The following CLCN3 variants were observed in gnomAD, a reference collection of about 807,000 sequenced individuals.
CLCN3 encodes the protein Cl-/H+ antiporter 3.
A neutral mutation model predicts 83.4 loss-of-function variants in CLCN3; 16 were observed. The observed-to-expected ratio is 0.19, with a 90% CI of 0.13 to 0.29. The LOEUF (loss-of-function observed/expected upper bound fraction) is 0.29. Ranked by LOEUF, CLCN3 falls within the 10% of genes least tolerant of loss-of-function variation. The pLI is 1.00. For synonymous variants in CLCN3, 322 were observed against 346.2 expected, an observed-to-expected ratio of 0.93 and a Z score of 0.78; for missense variants, 544 against 1,006.0, an observed-to-expected ratio of 0.54 and a Z score of 6.21.
chr4:169,717,699 G>C, intron 12 of CLCN3: 1 of 774,000 alleles, frequency 1.3e-6, no homozygotes, highest in Non-Finnish European at 2.1e-6. Context: ...TATGGTTCAT[G>C]TTTTTATTTT....
At chr4:169,703,921 A>G in intron 9 of CLCN3, 77 bp from the exon 10 acceptor site, 1 of 1,374,386 alleles carries the variant, frequency 7.3e-7, no homozygotes, top group South Asian at 1.3e-5. Flanking sequence ...AGTGTTAGAA[A>G]TAAATGCATA....
At chr4:169,657,637 A>G (rs1381342913) in intron 2 of CLCN3, among the ~76,000 whole-genome samples, 1 of 152,156 alleles carries the variant, frequency 6.6e-6, no homozygotes, top group Non-Finnish European at 1.5e-5. Flanking sequence ...GAGACATCCC[A>G]GAGAGGTTGT....
intron 2 of CLCN3, among the ~76,000 whole-genome samples, chr4:169,657,299 T>A (rs28737254): frequency 3.9e-5 from 6 of 152,026 alleles, no homozygotes; most frequent in Non-Finnish European, 8.8e-5. Flanking sequence ...TAAGTCTTTT[T>A]AAAAAAAATT....
intron 5 of CLCN3, among the ~76,000 whole-genome samples, chr4:169,690,141 T>TC (rs1732309828): frequency 7.0e-6 from 1 of 143,368 alleles, no homozygotes; most frequent in African/African-American, 2.6e-5. Context: ...TTCTTTCTTT[T>TC]TTTTTTTTTT....
chr4:169,688,436 A>C (rs1001326093), intron 4 of CLCN3, among the ~76,000 whole-genome samples: 1 of 152,206 alleles, frequency 6.6e-6, no homozygotes, highest in Non-Finnish European at 1.5e-5. Flanking sequence ...GAAGACCATA[A>C]AAATTAAAAT....
chr4:169,651,667 G>T (rs183686824), intron 2 of CLCN3, among the ~76,000 whole-genome samples: 3 of 152,132 alleles, frequency 2.0e-5, no homozygotes, highest in Non-Finnish European at 2.9e-5. Context: ...AGAAGAAGAA[G>T]CCTGTTCATG....
intron 2 of CLCN3, among the ~76,000 whole-genome samples, chr4:169,641,047 A>G (rs1730399755): frequency 6.6e-6 from 1 of 152,096 alleles, no homozygotes; most frequent in Admixed American, 6.6e-5. Context: ...AAGAGTTGAG[A>G]GGGCTCACTC....
At chr4:169,633,387 A>T (rs1773427946) in intron 1 of CLCN3, among the ~76,000 whole-genome samples, 1 of 152,240 alleles carries the variant, frequency 6.6e-6, no homozygotes, top group African/African-American at 2.4e-5. Context: ...TGAAATGATT[A>T]TAAGTATATT....
chr4:169,684,064 T>C (rs1732055960), intron 3 of CLCN3, among the ~76,000 whole-genome samples: 1 of 152,216 alleles, frequency 6.6e-6, no homozygotes, highest in African/African-American at 2.4e-5. Flanking sequence ...TTAAAGCCTT[T>C]CTATGTCAGT....
At chr4:169,705,330 A>G (rs1732949231) in intron 10 of CLCN3, among the ~76,000 whole-genome samples, 1 of 152,196 alleles carries the variant, frequency 6.6e-6, no homozygotes, top group African/African-American at 2.4e-5. Context: ...ATGAAGTTGG[A>G]TTAGTGAGAA....
chr4:169,715,312 C>T (rs62346188), intron 12 of CLCN3, among the ~76,000 whole-genome samples: 1,760 of 152,020 alleles, frequency 0.012, 15 homozygotes, highest in Non-Finnish European at 0.018. Flanking sequence ...CCTGCCTGTT[C>T]ATATGAAAAA....
At chr4:169,641,891 T>C (rs1272371838) in intron 2 of CLCN3, among the ~76,000 whole-genome samples, 3 of 152,146 alleles carry the variant, frequency 2.0e-5, no homozygotes, top group Admixed American at 6.5e-5. Context: ...ATAATACAAA[T>C]GTATTTATAG....
intron 2 of CLCN3, among the ~76,000 whole-genome samples, chr4:169,679,257 G>T (rs1422836563): frequency 9.2e-5 from 14 of 151,464 alleles, no homozygotes; most frequent in Non-Finnish European, 1.5e-4. Context: ...CAGAGGGGGC[G>T]GCCGGGCAGA....
chr4:169,639,686 T>C (rs1730344376), intron 2 of CLCN3, among the ~76,000 whole-genome samples: 1 of 152,212 alleles, frequency 6.6e-6, no homozygotes, highest in Admixed American at 6.5e-5. Flanking sequence ...ACATTAGGTC[T>C]CTCACTATGG....
intron 2 of CLCN3, among the ~76,000 whole-genome samples, chr4:169,641,064 G>A (rs1296246914): frequency 6.6e-6 from 1 of 152,058 alleles, no homozygotes; most frequent in African/African-American, 2.4e-5. Context: ...ACTCCTAAGT[G>A]TTTGATTTCC....
rs1180761712 is a variant in CLCN3, at chr4:169,723,597, AGGGT to A, written c.*3603_*3606del. The A allele has an allele frequency of 2.0e-5, 3 of 152,188 alleles. No homozygotes were observed. Among genetic ancestry groups the A allele is most frequent in the African/African-American group, 7.2e-5 (3 of 41,452 alleles). 9.4% of individuals were successfully genotyped at this position (152,188 alleles called of 1,614,324 possible). A position where few individuals can be genotyped will look rare whatever the true frequency, so the allele number is the denominator to read the frequency against. On this transcript the variant is annotated 3_prime_UTR_variant, in exon 13 of 13. Transcript: ENST00000513761. ...CATTTGCTAATAGAACTGCCAAAAG[AGGGT>A]GGTAAGTAACAACCTTTGATTAAGA...
At chr4:169,684,943 G>A (rs528665978) in intron 3 of CLCN3, among the ~76,000 whole-genome samples, 47 of 151,398 alleles carry the variant, frequency 3.1e-4, no homozygotes, top group Non-Finnish European at 6.3e-4. Context: ...CAGGTAGCTG[G>A]GACTGCAGGT....
At position 169,635,988 on chromosome 4, in the gene CLCN3, A is replaced by G. The variant is rs1179738456; in HGVS notation, c.60A>G (p.Thr20=). The part of the protein sequence containing the change: ...GYYRNSYNSI[T]SASSDEELLD... ...ATAGAAACAGCTACAACAGTATAAC[A>G]AGTGCAAGTAGTGATGAGGAACTTT... The change falls in exon 2 of 13, where the codon ACA becomes ACG. Residue 20 remains threonine (T), a synonymous_variant. Coordinates refer to ENST00000513761, the MANE Select transcript of CLCN3 (RefSeq NM_001829.4). The G allele has an allele frequency of 6.2e-7, 1 of 1,613,350 alleles. No homozygotes were observed. Among genetic ancestry groups the G allele is most frequent in the African/African-American group, 1.3e-5 (1 of 74,892 alleles).
chr4:169,697,836 C>A, intron 9 of CLCN3, 102 bp downstream of exon 9: 1 of 770,900 alleles, frequency 1.3e-6, no homozygotes, highest in Non-Finnish European at 2.1e-6. Context: ...GAAAAAAGTA[C>A]TTATCTTTTG....
Sources: gnomAD v4.1 joint callset for allele counts (sites outside exome capture counted in the v4.1 genomes callset) on GRCh38, gnomAD v4.1.1 for gene constraint, MANE v1.5 for transcripts, NCBI Gene and HGNC (gene_info 2026-07-23, HGNC 2026-07-21) for gene names.